HACD4: variants seen among roughly 807,000 people sequenced by gnomAD.
The protein encoded by HACD4 is 3-hydroxyacyl-CoA dehydratase 4.
Under a neutral mutation model 33.3 loss-of-function variants are expected in HACD4, and 35 were observed. The ratio of observed to expected loss-of-function variants is 1.05; its 90% CI spans 0.80 to 1.39. HACD4 has a LOEUF of 1.39. Among genes scored for constraint, HACD4 ranks in the 40% most tolerant of loss-of-function variants. The probability of loss-of-function intolerance (pLI) is 0.00; values close to 1 mark genes in which losing one functional copy is unlikely to be tolerated. For missense variants in HACD4, 323 were observed against 276.5 expected (o/e 1.17, Z -1.19); for synonymous variants, 118 against 98.0 (o/e 1.20, Z -1.21).
At chr9:21,029,242 G>A (rs1818142297) in intron 2 of HACD4, 53 bp downstream of exon 2, 1 of 986,302 alleles carries the variant, frequency 1.0e-6, no homozygotes, top group South Asian at 1.4e-5. Flanking sequence ...AGCAGGATGA[G>A]GTGAAAACAA....
At chr9:21,024,629 C>A (rs1278448359) in intron 3 of HACD4, among the ~76,000 whole-genome samples, 1 of 152,216 alleles carries the variant, frequency 6.6e-6, no homozygotes, top group East Asian at 1.9e-4. Flanking sequence ...TTGTAAAGCA[C>A]ATATGTGCAC....
chr9:21,011,478 G>A (rs369271321), intron 5 of HACD4, 111 bp downstream of exon 5: 12 of 702,944 alleles, frequency 1.7e-5, no homozygotes, highest in African/African-American at 1.2e-4. Flanking sequence ...GATACACTGA[G>A]TGAGCTAAGC....
intron 4 of HACD4, among the ~76,000 whole-genome samples, chr9:21,013,441 T>C (rs1230249013): frequency 2.0e-5 from 3 of 152,220 alleles, no homozygotes; most frequent in South Asian, 4.1e-4. Context: ...ATGGGAAAGA[T>C]TGAGTCCTTC....
Position 21,026,671 on chromosome 9 carries a change from T to A in HACD4, c.195A>T (p.Gln65His). 6.2e-7 allele frequency: 1 copy of A among 1,613,504 alleles called. No individual in the cohort carries two copies. Among genetic ancestry groups the A allele is most frequent in the Non-Finnish European group, 8.5e-7 (1 of 1,179,424 alleles). ...GCAGCAGTTCCAGGAGAGATACGGA[T>A]TGGCAAAGTCGCATCACAAGTCCAA... is the stretch of plus-strand genomic sequence containing the variant. ...YAIGLVMRLCQSVSLLELLHI... is the reference protein window; with the variant it reads ...YAIGLVMRLCHSVSLLELLHI... The change falls in exon 3 of 7, where the codon CAA becomes CAT. Residue 65 changes from glutamine (Q) to histidine (H), a missense_variant. Transcript: ENST00000495827.
intron 4 of HACD4, among the ~76,000 whole-genome samples, chr9:21,013,586 A>G (rs1805348383): frequency 6.6e-6 from 1 of 152,200 alleles, no homozygotes; most frequent in Non-Finnish European, 1.5e-5. Context: ...CTACAGATCA[A>G]TTTGGGGAAT....
At position 21,000,348 on chromosome 9, in the gene HACD4, T is replaced by C. The variant is rs1438830484; in HGVS notation, c.*6689A>G. The C allele has an allele frequency of 6.6e-6, 1 of 152,192 alleles. No individual in the cohort carries two copies. The highest frequency in any genetic ancestry group is 1.5e-5 in the Non-Finnish European group (1 of 68,016). 9.4% of individuals were successfully genotyped at this position (152,192 alleles called of 1,614,324 possible). A position where few individuals can be genotyped will look rare whatever the true frequency, so the allele number is the denominator to read the frequency against. ...TCCCTGTTCTGAAAACATTGGTGGCTTTTATATAAGTAGTTCTTTTTAGCA... is the reference window on the plus strand; with the variant it reads ...TCCCTGTTCTGAAAACATTGGTGGCCTTTATATAAGTAGTTCTTTTTAGCA... On this transcript the variant is annotated 3_prime_UTR_variant, in exon 7 of 7. Transcript: ENST00000495827.
intron 4 of HACD4, among the ~76,000 whole-genome samples, chr9:21,013,471 T>A (rs915721160): frequency 2.0e-5 from 3 of 152,204 alleles, no homozygotes; most frequent in African/African-American, 7.2e-5. Flanking sequence ...CTTCTAAGAT[T>A]GTTTTGGCTA....
At chr9:21,026,362 T>A (rs556672617) in intron 3 of HACD4, among the ~76,000 whole-genome samples, 3 of 152,224 alleles carry the variant, frequency 2.0e-5, no homozygotes, top group Admixed American at 2.0e-4. Context: ...CCTTCCAGGA[T>A]AGGACCAATG....
Position 21,031,623 on chromosome 9 carries a change from C to A in HACD4, c.-33G>T, listed in dbSNP as rs947788100. The stretch of plus-strand genomic sequence containing the variant: ...CGCCGCCAGGGCTTCCAGCGCGGTC[C>A]AGGAAGGAGTACCGGGGAGGAGGCA... On this transcript the variant is annotated 5_prime_UTR_variant, in exon 1 of 7. Coordinates refer to ENST00000495827, the MANE Select transcript of HACD4 (RefSeq NM_001010915.5). 7.2e-7 allele frequency: 1 copy of A among 1,380,744 alleles called. No individual in the cohort carries two copies. The allele number at this position is 1,380,744 out of a possible 1,614,324, so 85.5% of individuals were successfully genotyped here.
intron 4 of HACD4, among the ~76,000 whole-genome samples, chr9:21,014,765 C>T (rs940578324): frequency 6.6e-6 from 1 of 152,186 alleles, no homozygotes; most frequent in African/African-American, 2.4e-5. Flanking sequence ...ATTTGCCCAA[C>T]ATCACTTAGC....
rs932372261 is a variant in HACD4 at position 21,008,498 on chromosome 9, C to G, written c.491-352G>C. ...TGGAAAATGGTGCATATATTTTCCTCTTAGAGTTTCACAACACACATTAAC... is the reference window on the plus strand; with the variant it reads ...TGGAAAATGGTGCATATATTTTCCTGTTAGAGTTTCACAACACACATTAAC... On this transcript the variant is annotated intron_variant, in intron 5 of 6. Transcript: ENST00000495827. Among the ~76,000 whole-genome samples, 2 of 152,224 alleles carry G rather than the reference C, an allele frequency of 1.3e-5. 1 individual carries two copies. Among genetic ancestry groups the G allele is most frequent in the Non-Finnish European group, 2.9e-5 (2 of 67,980 alleles).
At chr9:21,009,514 T>A (rs1345792316) in intron 5 of HACD4, among the ~76,000 whole-genome samples, 1 of 152,204 alleles carries the variant, frequency 6.6e-6, no homozygotes, top group African/African-American at 2.4e-5. Context: ...TATTTCTACC[T>A]TATTCCTTTA....
At chr9:21,029,068 T>C (rs2132806193) in intron 2 of HACD4, among the ~76,000 whole-genome samples, 1 of 152,346 alleles carries the variant, frequency 6.6e-6, no homozygotes, top group Admixed American at 6.5e-5. Context: ...CATCCATCTC[T>C]TTTTTGAGGC....
At chr9:21,011,831 G>C in intron 4 of HACD4, 136 bp from the exon 5 acceptor site, 1 of 567,234 alleles carries the variant, frequency 1.8e-6, no homozygotes, top group East Asian at 3.1e-5. Flanking sequence ...ATAATTTAAG[G>C]AAGAGTTTTT....
chr9:21,007,181 T>C, intron 6 of HACD4, 62 bp from the exon 7 acceptor site: 1 of 899,846 alleles, frequency 1.1e-6, no homozygotes, highest in Non-Finnish European at 1.9e-6. Context: ...GAAGAAACAA[T>C]GCTTTTAAAA....
At chr9:21,023,118 A>C (rs1279782650) in intron 3 of HACD4, among the ~76,000 whole-genome samples, 2 of 151,750 alleles carry the variant, frequency 1.3e-5, no homozygotes, top group Admixed American at 6.6e-5. Flanking sequence ...TATCGCAAGG[A>C]CAGAAAAACA....
chr9:21,012,115 C>T (rs1031980267), intron 4 of HACD4, among the ~76,000 whole-genome samples: 1 of 152,194 alleles, frequency 6.6e-6, no homozygotes, highest in African/African-American at 2.4e-5. Flanking sequence ...TGGCATCCTT[C>T]TGCTTCTGCA....
At chr9:21,011,101 G>C (rs959535048) in intron 5 of HACD4, among the ~76,000 whole-genome samples, 1 of 152,146 alleles carries the variant, frequency 6.6e-6, no homozygotes, top group Non-Finnish European at 1.5e-5. Flanking sequence ...ACTGTACCCA[G>C]GGGAACTCAG....
chr9:21,015,985 A>G lies in HACD4; in HGVS notation c.296T>C (p.Phe99Ser). The change falls in exon 4 of 7, where the codon TTT becomes TCT. Residue 99 changes from phenylalanine to serine, a missense_variant. Coordinates refer to ENST00000495827, the MANE Select transcript of HACD4 (RefSeq NM_001010915.5). Reference sequence around the variant, plus strand: ...TTCCTCTTGACTGGTGATCACCACAAAAAGGATGATTATTCTTTCTGTGAG... The same window carrying G: ...TTCCTCTTGACTGGTGATCACCACAGAAAGGATGATTATTCTTTCTGTGAG... ...LQLTERIIIL[F>S]VVITSQEEVQ... 1 of 1,612,312 alleles carries G rather than the reference A, an allele frequency of 6.2e-7. No individual in the cohort carries two copies. The highest frequency in any genetic ancestry group is 1.7e-5 in the Admixed American group (1 of 59,990).
Sources: allele counts gnomAD v4.1 joint callset (sites outside exome capture counted in the v4.1 genomes callset), GRCh38; gene constraint gnomAD v4.1.1; transcripts MANE v1.5; gene names NCBI Gene and HGNC (gene_info 2026-07-23, HGNC 2026-07-21).